Variants in MICAL2 observed in about 807,000 individuals in gnomAD.
The protein encoded by MICAL2 is microtubule associated monooxygenase, calponin and LIM domain containing 2.
In MICAL2, 77 loss-of-function variants were observed where a neutral mutation model predicts 127.3. That is an observed-to-expected ratio of 0.60 (90% confidence interval 0.50 to 0.73). MICAL2 has a LOEUF of 0.73. Among genes scored for constraint, MICAL2 ranks in the 30% least tolerant of loss-of-function variants. The pLI is 0.00. For missense variants in MICAL2, 1,351 were observed against 1,434.4 expected (o/e 0.94, Z 0.94); for synonymous variants, 570 against 551.1 (o/e 1.03, Z -0.48).
chr11:12,289,349 T>C (rs1863864993), downstream of MICAL2, among the ~76,000 whole-genome samples: 1 of 152,186 alleles, frequency 6.6e-6, no homozygotes, highest in Non-Finnish European at 1.5e-5. Context: ...GAGGGGGATG[T>C]GAGTTGGCCA....
intron 3 of MICAL2, among the ~76,000 whole-genome samples, chr11:12,175,372 A>T (rs1856719926): frequency 2.0e-5 from 3 of 152,092 alleles, no homozygotes; most frequent in African/African-American, 4.8e-5. Flanking sequence ...GCTACTCAGG[A>T]GGCTAAGGCA....
At chr11:12,306,460 T>C (rs939430306) in intron 29 of MICAL2, among the ~76,000 whole-genome samples, 6 of 152,194 alleles carry the variant, frequency 3.9e-5, no homozygotes, top group South Asian at 2.1e-4. Flanking sequence ...TAATTTTTTA[T>C]TGAGGTATAA....
At chr11:12,153,709 A>T (rs1853846695) in intron 2 of MICAL2, among the ~76,000 whole-genome samples, 1 of 152,036 alleles carries the variant, frequency 6.6e-6, no homozygotes. Context: ...TCCATTCCCC[A>T]CTTCCCCCAG....
At chr11:12,319,364 A>G (rs796491466) in intron 29 of MICAL2, among the ~76,000 whole-genome samples, 37 of 151,996 alleles carry the variant, frequency 2.4e-4, no homozygotes, top group African/African-American at 8.4e-4. Context: ...AATAGATTTT[A>G]TCTCTGAATG....
intron 32 of MICAL2, among the ~76,000 whole-genome samples, chr11:12,331,168 G>A (rs1357539981): frequency 6.6e-6 from 1 of 152,078 alleles, no homozygotes; most frequent in African/African-American, 2.4e-5. Flanking sequence ...TACATACTAG[G>A]GGCATGGAAT....
At chr11:12,259,388 T>G (rs1437850468) in intron 25 of MICAL2, among the ~76,000 whole-genome samples, 1 of 152,258 alleles carries the variant, frequency 6.6e-6, no homozygotes, top group Admixed American at 6.5e-5. Context: ...TTTAATGCCT[T>G]TGGAAGATTC....
intron 8 of MICAL2, among the ~76,000 whole-genome samples, chr11:12,217,679 C>T (rs190337041): frequency 5.3e-5 from 8 of 152,250 alleles, no homozygotes; most frequent in African/African-American, 1.9e-4. Context: ...TCCTGGGATG[C>T]TAAGGTCACC....
chr11:12,178,726 AT>A lies in MICAL2; in HGVS notation c.264+16320del, dbSNP rs11438609. 4.0e-3 allele frequency among the ~76,000 whole-genome samples: 589 copies of A among 146,264 alleles called. 2 individuals carry two copies. The highest frequency in any genetic ancestry group is 5.4e-3 in the African/African-American group (214 of 39,726). On this transcript the variant is annotated intron_variant, in intron 3 of 27. Transcript: ENST00000683283. ...ATCAGACGGTATTATTATTATTACT[AT>A]TTTTTTTTTTTTGAGACAGTATCTC...
At chr11:12,294,868 C>T, downstream of MICAL2, 1 of 1,470,248 alleles carries the variant, frequency 6.8e-7, no homozygotes, top group Non-Finnish European at 8.9e-7. Flanking sequence ...GTAAGTGGCT[C>T]TGTCCTGATA....
intron 3 of MICAL2, among the ~76,000 whole-genome samples, chr11:12,182,370 C>T (rs534622487): frequency 1.4e-4 from 22 of 152,102 alleles, no homozygotes; most frequent in African/African-American, 5.3e-4. Context: ...GGAAGGGATC[C>T]GGGTCAAATC....
At position 12,149,065 on chromosome 11, in the gene MICAL2, C is replaced by T. The variant is rs776443824; in HGVS notation, c.-78+10605C>T. 3.8e-4 allele frequency among the ~76,000 whole-genome samples: 58 copies of T among 152,198 alleles called. 1 individual carries two copies. The highest frequency in any genetic ancestry group is 6.9e-4 in the Non-Finnish European group (47 of 68,050). ...CCAGAGTCCAAACTGGGACCTGTGACACTCTGCTGCCTTTGATGTTTCAGC... is the reference window on the plus strand; with the variant it reads ...CCAGAGTCCAAACTGGGACCTGTGATACTCTGCTGCCTTTGATGTTTCAGC... On this transcript the variant is annotated intron_variant, in intron 2 of 27. Coordinates refer to ENST00000683283, the MANE Select transcript of MICAL2 (RefSeq NM_001282663.2).
At chr11:12,327,687 G>T (rs1360756835) in intron 32 of MICAL2, among the ~76,000 whole-genome samples, 1 of 150,944 alleles carries the variant, frequency 6.6e-6, no homozygotes, top group Non-Finnish European at 1.5e-5. Flanking sequence ...TTTACTACCT[G>T]TACGACCTTG....
At chr11:12,198,994 C>T (rs1860308517) in intron 3 of MICAL2, among the ~76,000 whole-genome samples, 1 of 152,196 alleles carries the variant, frequency 6.6e-6, no homozygotes, top group Admixed American at 6.5e-5. Context: ...AGTCCTCTCA[C>T]TTCATCCTGA....
intron 29 of MICAL2, among the ~76,000 whole-genome samples, chr11:12,310,383 C>A (rs1249087926): frequency 3.3e-5 from 5 of 152,080 alleles, no homozygotes; most frequent in Middle Eastern, 3.2e-3. Context: ...TAGTTTCATT[C>A]TTCTGCACAT....
intron 15 of MICAL2, among the ~76,000 whole-genome samples, chr11:12,235,051 C>T (rs563663367): frequency 2.6e-5 from 4 of 152,140 alleles, no homozygotes; most frequent in Non-Finnish European, 4.4e-5. Flanking sequence ...GGACATGGCT[C>T]CCTGGTTCTG....
chr11:12,151,454 T>C (rs529758985), intron 2 of MICAL2, among the ~76,000 whole-genome samples: 102 of 152,296 alleles, frequency 6.7e-4, no homozygotes, highest in African/African-American at 2.3e-3. Flanking sequence ...ACATACCCAC[T>C]CCTAATACCT....
intron 21 of MICAL2, among the ~76,000 whole-genome samples, chr11:12,247,277 T>C (rs1487071377): frequency 6.6e-6 from 1 of 152,212 alleles, no homozygotes; most frequent in Non-Finnish European, 1.5e-5. Flanking sequence ...TCCCCACCTC[T>C]ACAGCTTTGT....
At chr11:12,294,404 C>A (rs1038528099), downstream of MICAL2, 4 of 1,614,202 alleles carry the variant, frequency 2.5e-6, no homozygotes, top group Non-Finnish European at 3.4e-6. Flanking sequence ...AGACGGGGAC[C>A]AGCATTCCCC....
intron 34 of MICAL2, among the ~76,000 whole-genome samples, chr11:12,356,783 C>T (rs1939134965): frequency 6.6e-6 from 1 of 152,232 alleles, no homozygotes; most frequent in African/African-American, 2.4e-5. Flanking sequence ...GTGGACCCTT[C>T]TAGGCTCCGC....
Sources: gnomAD v4.1 joint callset for allele counts (sites outside exome capture counted in the v4.1 genomes callset) on GRCh38, gnomAD v4.1.1 for gene constraint, MANE v1.5 for transcripts, NCBI Gene and HGNC (gene_info 2026-07-23, HGNC 2026-07-21) for gene names.